TMEM132C: variants seen among roughly 807,000 people sequenced by gnomAD.
TMEM132C encodes the protein protein phosphatase 1, regulatory subunit 152.
Under a neutral mutation model 61.4 loss-of-function variants are expected in TMEM132C, and 29 were observed. The observed-to-expected ratio is 0.47, with a 90% CI of 0.35 to 0.64. The LOEUF is 0.64. Among genes scored for constraint, TMEM132C ranks in the 30% least tolerant of loss-of-function variants. The pLI is 0.00. For synonymous variants in TMEM132C, 656 were observed against 633.1 expected (o/e 1.04, Z -0.54); for missense variants, 1,408 against 1,476.9 (o/e 0.95, Z 0.76).
intron 2 of TMEM132C, among the ~76,000 whole-genome samples, chr12:128,426,451 G>T (rs1006546189): frequency 2.6e-5 from 4 of 152,166 alleles, no homozygotes; most frequent in African/African-American, 9.7e-5. Flanking sequence ...TAGCAGAAGA[G>T]ACCCTAAAAC....
chr12:128,562,168 G>A (rs1324648488), intron 3 of TMEM132C, among the ~76,000 whole-genome samples: 6 of 152,284 alleles, frequency 3.9e-5, no homozygotes, highest in South Asian at 4.1e-4. Context: ...GTGGCTTGGC[G>A]CCAAGCATTC....
rs984209975 is a variant in TMEM132C, at chr12:128,267,183, G to C, written c.-220G>C. Among the ~76,000 whole-genome samples the C allele has an allele frequency of 6.8e-6, 1 of 146,906 alleles. No homozygotes were observed. The highest frequency in any genetic ancestry group is 2.4e-5 in the African/African-American group (1 of 40,892). ...GAGGCTGCGGGAGAAAAGTTGTCCCGGCCGGAGCGCGAGCAGCGGCGGAGC... is the reference window on the plus strand; with the variant it reads ...GAGGCTGCGGGAGAAAAGTTGTCCCCGCCGGAGCGCGAGCAGCGGCGGAGC... On this transcript the variant is annotated 5_prime_UTR_variant, in exon 1 of 9. Coordinates refer to ENST00000435159, the MANE Select transcript of TMEM132C (RefSeq NM_001136103.3).
At chr12:128,555,671 T>G (rs961478604) in intron 3 of TMEM132C, among the ~76,000 whole-genome samples, 1 of 152,156 alleles carries the variant, frequency 6.6e-6, no homozygotes, top group African/African-American at 2.4e-5. Context: ...AAACGTTGAC[T>G]GTTAAAGCCC....
intron 2 of TMEM132C, among the ~76,000 whole-genome samples, chr12:128,514,642 A>G (rs1000066765): frequency 2.0e-5 from 3 of 152,140 alleles, no homozygotes; most frequent in African/African-American, 7.2e-5. Flanking sequence ...ATCAGCTGTG[A>G]CGGAGACCTC....
At chr12:128,640,732 T>A (rs1447400375) in intron 4 of TMEM132C, among the ~76,000 whole-genome samples, 5 of 152,062 alleles carry the variant, frequency 3.3e-5, no homozygotes. Context: ...ACAAAAAATT[T>A]AAAAATTAGT....
At chr12:128,400,959 A>G (rs1316650112) in intron 1 of TMEM132C, among the ~76,000 whole-genome samples, 1 of 152,114 alleles carries the variant, frequency 6.6e-6, no homozygotes, top group Non-Finnish European at 1.5e-5. Flanking sequence ...ACATTGTAAA[A>G]TGTACCCTTG....
rs769834320 is a variant in TMEM132C, at chr12:128,597,764, G to A, written c.1122-18388G>A. ...TTCCAATGGTGTTAAGGGCAACAGC[G>A]ACAGCCTAGCAATGTGATAGTTTCT... On this transcript the variant is annotated intron_variant, in intron 3 of 8. Coordinates refer to ENST00000435159, the MANE Select transcript of TMEM132C (RefSeq NM_001136103.3). Among the ~76,000 whole-genome samples, 6 of 152,264 alleles carry A rather than the reference G, an allele frequency of 3.9e-5. No homozygotes were observed. The South Asian group carries it at 8.3e-4, about 21-fold the overall frequency.
chr12:128,665,311 GCACA>G (rs372285965), intron 4 of TMEM132C, among the ~76,000 whole-genome samples: 5 of 107,948 alleles, frequency 4.6e-5, no homozygotes, highest in Non-Finnish European at 9.0e-5. Context: ...ACACAAACAG[GCACA>G]CACACACAAA....
intron 1 of TMEM132C, among the ~76,000 whole-genome samples, chr12:128,412,850 G>A (rs1395190631): frequency 1.3e-5 from 2 of 152,146 alleles, no homozygotes; most frequent in Admixed American, 6.5e-5. Context: ...TCACTTAGCA[G>A]TATATTTTTG....
intron 2 of TMEM132C, among the ~76,000 whole-genome samples, chr12:128,468,361 A>G (rs1219266506): frequency 6.6e-6 from 1 of 151,910 alleles, no homozygotes; most frequent in Admixed American, 6.6e-5. Context: ...CTTGTCACCC[A>G]GGCTGGAGTG....
At chr12:128,324,119 CTT>C (rs1160556164) in intron 1 of TMEM132C, among the ~76,000 whole-genome samples, 1 of 152,156 alleles carries the variant, frequency 6.6e-6, no homozygotes, top group Non-Finnish European at 1.5e-5. Flanking sequence ...GTGGGCCAGT[CTT>C]TATTCAGTGT....
intron 4 of TMEM132C, among the ~76,000 whole-genome samples, chr12:128,618,810 A>G (rs1455464185): frequency 1.3e-5 from 2 of 152,152 alleles, no homozygotes; most frequent in Non-Finnish European, 2.9e-5. Flanking sequence ...TTTATAAATT[A>G]CCCAGTCTCA....
intron 2 of TMEM132C, among the ~76,000 whole-genome samples, chr12:128,455,810 C>T (rs561419955): frequency 1.7e-4 from 26 of 152,230 alleles, no homozygotes; most frequent in Non-Finnish European, 2.1e-4. Flanking sequence ...GGCCGACTTA[C>T]GGGCTGTGGG....
intron 5 of TMEM132C, among the ~76,000 whole-genome samples, chr12:128,679,775 A>G (rs1954619346): frequency 6.6e-6 from 1 of 152,236 alleles, no homozygotes; most frequent in African/African-American, 2.4e-5. Context: ...TAGCAGAGAT[A>G]GAAAGTATAT....
chr12:128,355,590 A>T (rs1331461669), intron 1 of TMEM132C, among the ~76,000 whole-genome samples: 2 of 151,784 alleles, frequency 1.3e-5, no homozygotes, highest in Admixed American at 6.6e-5. Flanking sequence ...CATCTTATTC[A>T]GATTAAAAGC....
intron 2 of TMEM132C, among the ~76,000 whole-genome samples, chr12:128,518,692 C>T (rs1007770919): frequency 2.3e-4 from 35 of 152,016 alleles, no homozygotes; most frequent in African/African-American, 7.0e-4. Context: ...CTACCCTATC[C>T]CCTTGAATTA....
intron 3 of TMEM132C, among the ~76,000 whole-genome samples, chr12:128,596,722 C>T (rs529762408): frequency 2.8e-4 from 42 of 151,428 alleles, no homozygotes; most frequent in African/African-American, 9.8e-4. Flanking sequence ...CTGCCCCTTT[C>T]GCAGGTCCTG....
chr12:128,678,072 A>G (rs959258540), intron 5 of TMEM132C, among the ~76,000 whole-genome samples: 2 of 152,148 alleles, frequency 1.3e-5, no homozygotes, highest in South Asian at 2.1e-4. Flanking sequence ...CAACAGCCCT[A>G]AGTTTTTAGG....
rs1954664553 is a variant in TMEM132C at position 128,685,215 on chromosome 12, G to C, written c.1450-8614G>C. 2.6e-5 allele frequency among the ~76,000 whole-genome samples: 4 copies of C among 152,306 alleles called. No individual in the cohort carries two copies. The Middle Eastern group carries it at 0.01, about 389-fold the overall frequency. ...GTGAATGGGAGGTAAGGAAGAGAGG[G>C]GAAGCCATGTAAAAGGCCGTGAGAG... On this transcript the variant is annotated intron_variant, in intron 5 of 8. Coordinates refer to ENST00000435159, the MANE Select transcript of TMEM132C (RefSeq NM_001136103.3).
Sources: gnomAD v4.1 joint callset for allele counts (sites outside exome capture counted in the v4.1 genomes callset) on GRCh38, gnomAD v4.1.1 for gene constraint, MANE v1.5 for transcripts, NCBI Gene and HGNC (gene_info 2026-07-23, HGNC 2026-07-21) for gene names.